Variants in MORC4 observed in about 807,000 individuals in gnomAD.
MORC4 encodes MORC family CW-type zinc finger protein 4.
In MORC4, 22 loss-of-function variants were observed where a neutral mutation model predicts 65.5. The ratio of observed to expected loss-of-function variants is 0.34; its 90% CI spans 0.24 to 0.48. The LOEUF (loss-of-function observed/expected upper bound fraction) is 0.48, where lower values mean the gene tolerates loss of function less well. Ranked by LOEUF, MORC4 falls within the 20% of genes least tolerant of loss-of-function variation. The pLI, the probability that MORC4 is intolerant of heterozygous loss-of-function variation, is 0.99. For missense variants in MORC4, 624 were observed against 703.0 expected (o/e 0.89, Z 1.27); for synonymous variants, 267 against 255.8 (o/e 1.04, Z -0.42).
At chrX:106,947,654 T>C (rs1296136709) in intron 14 of MORC4, among the ~76,000 whole-genome samples, 2 of 100,787 alleles carry the variant, frequency 2.0e-5, no homozygotes, top group Admixed American at 1.1e-4. Flanking sequence ...AGTAAAAGGA[T>C]TGAAAAAGAT....
intron 14 of MORC4, among the ~76,000 whole-genome samples, chrX:106,947,931 T>C (rs1455927764): frequency 9.1e-6 from 1 of 109,817 alleles, no homozygotes; most frequent in African/African-American, 3.3e-5. Flanking sequence ...ACTAGATATA[T>C]ATAAAATCTG....
At chrX:106,984,764 C>T (rs1339421201) in intron 5 of MORC4, among the ~76,000 whole-genome samples, 4 of 109,441 alleles carry the variant, frequency 3.7e-5, no homozygotes, top group Non-Finnish European at 5.7e-5. Context: ...CATGAGCCAC[C>T]GCACCCGGCC....
intron 2 of MORC4, among the ~76,000 whole-genome samples, chrX:106,994,589 C>T (rs1935042861): frequency 8.9e-6 from 1 of 112,108 alleles, no homozygotes; most frequent in African/African-American, 3.2e-5. Flanking sequence ...ATATCAGTTA[C>T]AGCCACTTGG....
At chrX:106,981,715 T>C (rs1355099084) in intron 5 of MORC4, among the ~76,000 whole-genome samples, 1 of 111,839 alleles carries the variant, frequency 8.9e-6, no homozygotes, top group African/African-American at 3.2e-5. Flanking sequence ...GCCACATTCA[T>C]AAGGAAAAAA....
chrX:106,964,252 A>G (rs1326113835), intron 9 of MORC4, among the ~76,000 whole-genome samples: 1 of 111,998 alleles, frequency 8.9e-6, no homozygotes, highest in Non-Finnish European at 1.9e-5. Context: ...TGAAAAATCC[A>G]CCGCAGGAAT....
At chrX:106,966,703 G>A (rs192612484) in intron 9 of MORC4, among the ~76,000 whole-genome samples, 175 of 112,930 alleles carry the variant, frequency 1.5e-3, no homozygotes, top group African/African-American at 5.1e-3. Context: ...GTCTGAAATC[G>A]ACCTGGAACA....
At chrX:106,995,971 T>C (rs73533080) in intron 2 of MORC4, among the ~76,000 whole-genome samples, 5,398 of 111,977 alleles carry the variant, frequency 0.048, 351 homozygotes, top group African/African-American at 0.17. Flanking sequence ...GTCAATCAAC[T>C]GGACATCATT....
intron 14 of MORC4, among the ~76,000 whole-genome samples, chrX:106,951,192 T>C (rs1480116550): frequency 9.0e-6 from 1 of 111,280 alleles, no homozygotes; most frequent in Non-Finnish European, 1.9e-5. Flanking sequence ...TTTCAAGTAT[T>C]CCTTTAGACA....
chrX:106,999,590 G>A, intron 2 of MORC4, 87 bp downstream of exon 2: 1 of 776,737 alleles, frequency 1.3e-6, no homozygotes, highest in Non-Finnish European at 1.7e-6. Flanking sequence ...CGCCCCGCGC[G>A]GCTCTGCGCA....
intron 9 of MORC4, among the ~76,000 whole-genome samples, chrX:106,970,979 T>C (rs1402198097): frequency 3.6e-5 from 4 of 111,560 alleles, no homozygotes; most frequent in African/African-American, 1.3e-4. Flanking sequence ...AAACTTCATA[T>C]GGAAGCAAAA....
chrX:106,956,613 G>T lies in MORC4; in HGVS notation c.1455-79C>A. The T allele has an allele frequency of 8.3e-6, 7 of 839,674 alleles. No individual in the cohort carries two copies. In the South Asian group the frequency reaches 1.5e-4, roughly 18 times the overall value. The allele number at this position is 839,674 out of a possible 1,213,427, so 69.2% of individuals were successfully genotyped here. On this transcript the variant is annotated intron_variant, in intron 12 of 16. Coordinates refer to ENST00000355610, the MANE Select transcript of MORC4 (RefSeq NM_024657.5). ...AATGGACTGCCAATTGTAGATTTAG[G>T]TTATAATGTTCCTTCCAAATTACAA...
Position 106,941,919 on chromosome X carries a change from C to G in MORC4, c.2660+19G>C. The G allele has an allele frequency of 8.4e-7, 1 of 1,195,977 alleles. No individual in the cohort carries two copies. Among genetic ancestry groups the G allele is most frequent in the South Asian group, 1.8e-5 (1 of 54,149 alleles). ...CCCATTAGCACTCACAAGCTGATAA[C>G]TAAACCCTAGTAATTAACCTTTCTA... On this transcript the variant is annotated intron_variant, in intron 16 of 16. Transcript: ENST00000355610.
At chrX:106,952,030 A>C (rs1010916735) in intron 14 of MORC4, among the ~76,000 whole-genome samples, 1 of 106,786 alleles carries the variant, frequency 9.4e-6, no homozygotes, top group Non-Finnish European at 1.9e-5. Flanking sequence ...AAAAAAGGAA[A>C]GAAAACTATA....
chrX:106,993,006 G>A (rs1186089227), intron 3 of MORC4, among the ~76,000 whole-genome samples: 1 of 112,592 alleles, frequency 8.9e-6, no homozygotes, highest in Non-Finnish European at 1.9e-5. Context: ...TATGCTTATA[G>A]CTTTTTATTA....
At chrX:106,986,311 T>C in intron 3 of MORC4, 111 bp from the exon 4 acceptor site, 2 of 537,753 alleles carry the variant, frequency 3.7e-6, no homozygotes, top group Non-Finnish European at 6.0e-6. Flanking sequence ...ATAACACTTG[T>C]AAAAAGTCCT....
chrX:106,964,077 G>A (rs940538371), intron 9 of MORC4, among the ~76,000 whole-genome samples: 87 of 111,371 alleles, frequency 7.8e-4, no homozygotes, highest in Non-Finnish European at 1.2e-3. Flanking sequence ...AGATCAACTC[G>A]ACAAAGATTT....
intron 3 of MORC4, among the ~76,000 whole-genome samples, chrX:106,989,539 A>G (rs1243366635): frequency 8.9e-6 from 1 of 111,900 alleles, no homozygotes; most frequent in Non-Finnish European, 1.9e-5. Context: ...AATTACTTCT[A>G]TTATTTTTTC....
At chrX:106,962,675 A>G (rs1252283835) in intron 9 of MORC4, among the ~76,000 whole-genome samples, 1 of 112,156 alleles carries the variant, frequency 8.9e-6, no homozygotes, top group Non-Finnish European at 1.9e-5. Context: ...ACATTCTACC[A>G]CATAGCCGTT....
rs1569293200 is a variant in MORC4 at position 106,942,052 on chromosome X, G to A, written c.2546C>T (p.Thr849Ile). The change falls in exon 16 of 17, where the codon ACC becomes ATC. Residue 849 changes from threonine to isoleucine, a missense_variant. Thr to Ile is a moderately conservative substitution (Grantham distance 89, BLOSUM62 -1). Transcript: ENST00000355610. Reference sequence around the variant, plus strand: ...TTTTAACTCTTGCTTTTCCTCTTTGGTTCTTTCCAGCTCAGCTTTCAGAAT... The same window carrying A: ...TTTTAACTCTTGCTTTTCCTCTTTGATTCTTTCCAGCTCAGCTTTCAGAAT... ...FQILKAELER[T>I]KEEKQELKEK... The A allele has an allele frequency of 1.7e-6, 2 of 1,210,913 alleles. No homozygotes were observed. The highest frequency in any genetic ancestry group is 2.2e-6 in the Non-Finnish European group (2 of 895,259).
Sources: gnomAD v4.1 joint callset for allele counts (sites outside exome capture counted in the v4.1 genomes callset) on GRCh38, gnomAD v4.1.1 for gene constraint, MANE v1.5 for transcripts, NCBI Gene and HGNC (gene_info 2026-07-23, HGNC 2026-07-21) for gene names.